OGG1: variants seen among roughly 807,000 people sequenced by gnomAD.
OGG1 encodes the protein N-glycosylase/DNA lyase.
In OGG1, 35 loss-of-function variants were observed where a neutral mutation model predicts 42.3. The ratio of observed to expected loss-of-function variants is 0.83; its 90% CI spans 0.63 to 1.10. The LOEUF (loss-of-function observed/expected upper bound fraction) is 1.10, where lower values mean the gene tolerates loss of function less well. OGG1 is among the 50% of genes least tolerant of loss of function. The pLI is 0.00. For synonymous variants in OGG1, 189 were observed against 179.0 expected, an observed-to-expected ratio of 1.06 and a Z score of -0.44; for missense variants, 484 against 446.7, an observed-to-expected ratio of 1.08 and a Z score of -0.75.
chr3:9,750,691 A>G (rs948726927), intron 1 of OGG1: 1 of 686,122 alleles, frequency 1.5e-6, no homozygotes, highest in Non-Finnish European at 2.5e-6. Context: ...CCAGGTAGGA[A>G]TGCAGAGAGG....
rs1231802866 is a variant in OGG1, at chr3:9,751,139, A to G, written c.332A>G (p.His111Arg). The change falls in exon 2 of 7, where the codon CAC becomes CGC. Residue 111 changes from histidine to arginine, a missense_variant. Physicochemically the swap from His to Arg is conservative, Grantham distance 29. Transcript: ENST00000344629. Reference sequence around the variant, plus strand: ...GATGTTACCCTGGCTCAACTGTATCACCACTGGGGTTCCGTGGACTCCCAC... The same window carrying G: ...GATGTTACCCTGGCTCAACTGTATCGCCACTGGGGTTCCGTGGACTCCCAC... ...QLDVTLAQLY[H>R]HWGSVDSHFQ... The G allele has an allele frequency of 6.2e-7, 1 of 1,614,212 alleles. No individual in the cohort carries two copies.
Position 9,785,462 on chromosome 3 carries a change from C to T in OGG1, c.383-2266C>T, listed in dbSNP as rs760102594. On this transcript the variant is annotated intron_variant, in intron 3 of 3. Transcript: ENST00000426518. The stretch of plus-strand genomic sequence containing the variant: ...CAAAAATGAGTGGAAGGAAAAATAG[C>T]TGTTCCACTTTCCTGCTCCTTTCTG... 3 of 1,423,154 alleles carry T rather than the reference C, an allele frequency of 2.1e-6. No individual in the cohort carries two copies. The Admixed American group carries it at 5.2e-5, about 25-fold the overall frequency. The allele number at this position is 1,423,154 out of a possible 1,614,324, so 88.2% of individuals were successfully genotyped here.
At chr3:9,759,561 G>T, downstream of OGG1, 2 of 1,614,168 alleles carry the variant, frequency 1.2e-6, no homozygotes, top group Non-Finnish European at 1.7e-6. Context: ...ATCTAGAGCT[G>T]TATCTCCTGC....
Position 9,751,089 on chromosome 3 carries a change from GGCCGTGC to G in OGG1, c.285_291del (p.Val96SerfsTer5). 1 of 1,614,132 alleles carries G rather than the reference GGCCGTGC, an allele frequency of 6.2e-7. No individual in the cohort carries two copies. Among genetic ancestry groups the G allele is most frequent in the South Asian group, 1.1e-5 (1 of 91,082 alleles). ...GCAGGCCCACACCAGACGAGCTGGA[GGCCGTGC>G]GCAAGTACTTCCAGCTAGATGTTAC... On this transcript the variant is annotated frameshift_variant, in exon 2 of 7. Coordinates refer to ENST00000344629, the MANE Select transcript of OGG1 (RefSeq NM_002542.6). LOFTEE classifies it high-confidence loss of function.
Position 9,751,208 on chromosome 3 carries a change from G to T in OGG1, c.385+16G>T. The stretch of plus-strand genomic sequence containing the variant: ...AAATTCCAAGGTGAGTACAGGACCT[G>T]GGCTGGGGTTAGGGTTCTTGGACAT... On this transcript the variant is annotated intron_variant, in intron 2 of 6. Coordinates refer to ENST00000344629, the MANE Select transcript of OGG1 (RefSeq NM_002542.6). 1 of 1,613,062 alleles carries T rather than the reference G, an allele frequency of 6.2e-7. No homozygotes were observed. The highest frequency in any genetic ancestry group is 1.1e-5 in the South Asian group (1 of 90,720).
At position 9,751,843 on chromosome 3, in the gene OGG1, C is replaced by T. The variant is rs1559681909; in HGVS notation, c.459C>T (p.Ala153=). The T allele has an allele frequency of 6.2e-7, 1 of 1,614,202 alleles. No individual in the cohort carries two copies. Among genetic ancestry groups the T allele is most frequent in the Non-Finnish European group, 8.5e-7 (1 of 1,180,040 alleles). Residue 153 remains alanine (A), a synonymous_variant, in exon 3 of 7, where the codon GCC becomes GCT. Transcript: ENST00000344629. The part of the protein sequence containing the change: ...SFICSSNNNI[A]RITGMVERLC... The stretch of plus-strand genomic sequence containing the variant: ...TCTGTTCCTCCAACAACAACATCGC[C>T]CGCATCACTGGCATGGTGGAGCGGC...
intron 3 of OGG1, among the ~76,000 whole-genome samples, chr3:9,753,511 G>A (rs181592296): frequency 0.012 from 1,850 of 151,996 alleles, 18 homozygotes; most frequent in Middle Eastern, 0.02. Context: ...AAAATTAGCC[G>A]GGTGTGGTGG....
At chr3:9,760,086 C>CA (rs35548060), downstream of OGG1, 23,616 of 220,260 alleles carry the variant, frequency 0.11, 1,914 homozygotes, top group Non-Finnish European at 0.16. Context: ...ACTAAAAATA[C>CA]AAAAAAAATT....
At chr3:9,760,887 ACT>A (rs1416257086), downstream of OGG1, 17 of 1,434,914 alleles carry the variant, frequency 1.2e-5, no homozygotes, top group East Asian at 2.2e-4. Context: ...CCCTTTATAA[ACT>A]CTACCAGCCC....
chr3:9,760,680 A>G, downstream of OGG1: 2 of 1,614,058 alleles, frequency 1.2e-6, no homozygotes, highest in Non-Finnish European at 1.7e-6. Flanking sequence ...TCGTCCCAGT[A>G]AGGAGAGTCA....
At chr3:9,776,476 G>A (rs1453354145) in intron 2 of OGG1, among the ~76,000 whole-genome samples, 1 of 141,388 alleles carries the variant, frequency 7.1e-6, no homozygotes, top group African/African-American at 2.6e-5. Context: ...TGCAAGCTCC[G>A]CCTCCCGGGT....
chr3:9,787,910 G>T, exon 4 of OGG1: 1 of 369,304 alleles, frequency 2.7e-6, no homozygotes, highest in South Asian at 2.1e-5. Flanking sequence ...AGGGAGAGAA[G>T]AGCTTGCCAG....
intron 7 of OGG1, among the ~76,000 whole-genome samples, chr3:9,764,557 C>T (rs2078046698): frequency 6.6e-6 from 1 of 151,186 alleles, no homozygotes; most frequent in African/African-American, 2.4e-5. Context: ...GGTGATCTGC[C>T]CACTTCAGCC....
At chr3:9,767,998 A>T (rs1347879584), downstream of OGG1, among the ~76,000 whole-genome samples, 2 of 152,236 alleles carry the variant, frequency 1.3e-5, no homozygotes, top group Non-Finnish European at 2.9e-5. Flanking sequence ...TTCTTTATTT[A>T]ACAAAGTCAT....
chr3:9,760,799 A>C (rs748791479), downstream of OGG1: 3 of 1,613,032 alleles, frequency 1.9e-6, no homozygotes, highest in Admixed American at 1.7e-5. Flanking sequence ...CCTCATTTCC[A>C]CTTTCGGGTG....
chr3:9,773,473 A>G lies in OGG1; in HGVS notation c.295-8040A>G, dbSNP rs548795730. 2.7e-3 allele frequency among the ~76,000 whole-genome samples: 408 copies of G among 152,224 alleles called. 3 individuals carry two copies. Among genetic ancestry groups the G allele is most frequent in the African/African-American group, 9.2e-3 (381 of 41,544 alleles). ...GGAGAATGGCGTGGACCCGGGAGGC[A>G]GAGCTTGCAGTGAGCAGAGACCACG... is the stretch of plus-strand genomic sequence containing the variant. On this transcript the variant is annotated intron_variant, in intron 2 of 3. Transcript: ENST00000426518.
chr3:9,781,964 G>A (rs2078479514), intron 3 of OGG1, among the ~76,000 whole-genome samples: 3 of 150,102 alleles, frequency 2.0e-5, no homozygotes, highest in African/African-American at 7.4e-5. Flanking sequence ...TCAGCCTCCT[G>A]AGTAGGACTA....
At chr3:9,785,500 A>T (rs1292851510) in intron 3 of OGG1, 1 of 1,002,796 alleles carries the variant, frequency 1.0e-6, no homozygotes, top group Non-Finnish European at 1.5e-6. Context: ...CTACACTGAC[A>T]GTCTTCAAAC....
At chr3:9,782,615 T>TA (rs2125617451) in intron 3 of OGG1, among the ~76,000 whole-genome samples, 1 of 152,202 alleles carries the variant, frequency 6.6e-6, no homozygotes, top group East Asian at 1.9e-4. Context: ...GCACAATATC[T>TA]AAGAGACAGT....
Sources: allele counts gnomAD v4.1 joint callset (sites outside exome capture counted in the v4.1 genomes callset), GRCh38; gene constraint gnomAD v4.1.1; transcripts MANE v1.5; gene names NCBI Gene and HGNC (gene_info 2026-07-23, HGNC 2026-07-21).